The following USP8 variants were observed in gnomAD, a reference collection of about 807,000 sequenced individuals.
The protein encoded by USP8 is ubiquitin specific peptidase 8.
Under a neutral mutation model 130.0 loss-of-function variants are expected in USP8, and 27 were observed. The ratio of observed to expected loss-of-function variants is 0.21; its 90% CI spans 0.15 to 0.29. The LOEUF (loss-of-function observed/expected upper bound fraction) is 0.29. USP8 is among the 10% of genes least tolerant of loss of function. The pLI, the probability that USP8 is intolerant of heterozygous loss-of-function variation, is 1.00. For missense variants in USP8, 1,029 were observed against 1,312.2 expected, an observed-to-expected ratio of 0.78 and a Z score of 3.33; for synonymous variants, 392 against 444.1, an observed-to-expected ratio of 0.88 and a Z score of 1.48.
intron 15 of USP8, 192 bp downstream of exon 15, chr15:50,493,105 C>G (rs569984865): frequency 5.9e-6 from 4 of 679,048 alleles, no homozygotes; most frequent in South Asian, 1.5e-5. Flanking sequence ...ATCTGGTGCG[C>G]TTTTTTGCTG....
At chr15:50,448,559 G>A (rs907000669) in intron 3 of USP8, among the ~76,000 whole-genome samples, 8 of 149,424 alleles carry the variant, frequency 5.4e-5, no homozygotes, top group Admixed American at 1.3e-4. Flanking sequence ...TCGTTCTGTC[G>A]CCCAGGCTGG....
chr15:50,425,601 T>C (rs1174709105), intron 1 of USP8, among the ~76,000 whole-genome samples: 1 of 152,154 alleles, frequency 6.6e-6, no homozygotes, highest in East Asian at 1.9e-4. Context: ...AAATATGTAT[T>C]CCTTTTCTTG....
intron 4 of USP8, among the ~76,000 whole-genome samples, chr15:50,457,882 G>GAA (rs144529322): frequency 3.2e-5 from 4 of 124,046 alleles, no homozygotes; most frequent in South Asian, 2.5e-4. Flanking sequence ...GAAAAGAAAA[G>GAA]AAAAAAAAAA....
At chr15:50,463,517 A>G (rs1339393582) in intron 6 of USP8, 1 of 152,246 alleles carries the variant, frequency 6.6e-6, no homozygotes, top group African/African-American at 2.4e-5. Flanking sequence ...TACTTAAAAT[A>G]TTGCCATACA....
intron 5 of USP8, among the ~76,000 whole-genome samples, chr15:50,461,251 C>G (rs1474783123): frequency 1.3e-5 from 2 of 152,054 alleles, no homozygotes; most frequent in Non-Finnish European, 2.9e-5. Flanking sequence ...TTTGGCCTCC[C>G]ACAGTGCTGG....
rs1364271431 is a variant in USP8 at position 50,458,849 on chromosome 15, C to G, written c.336-151C>G. 1.0e-5 allele frequency: 8 copies of G among 803,754 alleles called. No individual in the cohort carries two copies. In the East Asian group the frequency reaches 2.1e-4, roughly 21 times the overall value. 49.8% of individuals were successfully genotyped at this position (803,754 alleles called of 1,614,324 possible). On this transcript the variant is annotated intron_variant, in intron 4 of 19. Transcript: ENST00000307179. ...TTTGAAGTAAATCTACAGATGGCCT[C>G]AGGTGGCAGATGTGTGAATTGTGGT...
Position 50,435,195 on chromosome 15 carries a change from CAT to C in USP8, c.-65-3813_-65-3812del, listed in dbSNP as rs1268787278. 3.9e-5 allele frequency among the ~76,000 whole-genome samples: 6 copies of C among 152,124 alleles called. No individual in the cohort carries two copies. In the East Asian group the frequency reaches 5.8e-4, roughly 15 times the overall value. On this transcript the variant is annotated intron_variant, in intron 1 of 19. Transcript: ENST00000307179. Reference sequence around the variant, plus strand: ...GCAGAATGACTTATCAAAAATGTAACATGTTAAATTCACATAGATTGAGGTTG... The same window carrying C: ...GCAGAATGACTTATCAAAAATGTAACGTTAAATTCACATAGATTGAGGTTG...
chr15:50,427,349 G>A (rs2141241250), intron 1 of USP8, among the ~76,000 whole-genome samples: 1 of 152,212 alleles, frequency 6.6e-6, no homozygotes, highest in South Asian at 2.1e-4. Context: ...TATAGAAGCA[G>A]ACAAATAGTT....
chr15:50,484,649 G>A (rs1432067643), intron 12 of USP8, among the ~76,000 whole-genome samples: 6 of 152,152 alleles, frequency 3.9e-5, no homozygotes, highest in Non-Finnish European at 8.8e-5. Context: ...CTACTTCAGG[G>A]TATATACCCA....
chr15:50,444,827 G>T (rs541152261), intron 3 of USP8, among the ~76,000 whole-genome samples: 90 of 152,240 alleles, frequency 5.9e-4, no homozygotes, highest in South Asian at 1.2e-3. Flanking sequence ...GCACAGTCAT[G>T]GTTCACTGCA....
At chr15:50,448,551 G>A (rs1595917454) in intron 3 of USP8, among the ~76,000 whole-genome samples, 2 of 146,676 alleles carry the variant, frequency 1.4e-5, no homozygotes, top group South Asian at 2.1e-4. Context: ...ACAGAGTTTC[G>A]TTCTGTCGCC....
rs1249773807 is a variant in USP8 at position 50,511,515 on chromosome 15, A to G, written c.*12427A>G. 6.6e-6 allele frequency: 1 copy of G among 152,252 alleles called. No individual in the cohort carries two copies. Among genetic ancestry groups the G allele is most frequent in the Non-Finnish European group, 1.5e-5 (1 of 68,046 alleles). 9.4% of individuals were successfully genotyped at this position (152,252 alleles called of 1,614,324 possible). On this transcript the variant is annotated 3_prime_UTR_variant, in exon 20 of 20. Coordinates refer to ENST00000307179, the MANE Select transcript of USP8 (RefSeq NM_005154.5). ...ACTGATGACAGCCAAAAGTGGAAAC[A>G]AGCCAAATGTCCATCACTGGATGGA...
At position 50,427,401 on chromosome 15, in the gene USP8, G is replaced by C. The variant is rs1595890742; in HGVS notation, c.-66+2887G>C. 5.3e-5 allele frequency among the ~76,000 whole-genome samples: 8 copies of C among 152,158 alleles called. No homozygotes were observed. The South Asian group carries it at 1.7e-3, about 32-fold the overall frequency. Reference sequence around the variant, plus strand: ...GATGAAAGTAAACTGAAGAGTGGTGGTGGTATTGGGAGTGATTTACGGAAT... The same window carrying C: ...GATGAAAGTAAACTGAAGAGTGGTGCTGGTATTGGGAGTGATTTACGGAAT... On this transcript the variant is annotated intron_variant, in intron 1 of 19. Transcript: ENST00000307179.
At chr15:50,459,361 A>C (rs920175956) in intron 5 of USP8, among the ~76,000 whole-genome samples, 199 bp downstream of exon 5, 2 of 152,218 alleles carry the variant, frequency 1.3e-5, no homozygotes, top group Admixed American at 6.5e-5. Context: ...AGGCGGGCAG[A>C]TCACTTGAGG....
In USP8 at chr15:50,504,072, T is replaced by A. The variant is rs2052625856; in HGVS notation, c.*4984T>A. The A allele has an allele frequency of 6.6e-6, 1 of 152,120 alleles. No homozygotes were observed. Among genetic ancestry groups the A allele is most frequent in the Non-Finnish European group, 1.5e-5 (1 of 68,018 alleles). The allele number at this position is 152,120 out of a possible 1,614,324, so 9.4% of individuals were successfully genotyped here. ...TCTGCATCTTCAGAATCAACTAATG[T>A]GATGGGAAAGATTTGAAAAAATAAT... On this transcript the variant is annotated 3_prime_UTR_variant, in exon 20 of 20. Coordinates refer to ENST00000307179, the MANE Select transcript of USP8 (RefSeq NM_005154.5).
At chr15:50,433,110 G>A (rs775259702) in intron 1 of USP8, among the ~76,000 whole-genome samples, 7 of 152,040 alleles carry the variant, frequency 4.6e-5, no homozygotes, top group East Asian at 1.9e-4. Flanking sequence ...GCATGGTGGC[G>A]GGGCGCCTGT....
rs1167228700 is a variant in USP8 at position 50,503,590 on chromosome 15, T to A, written c.*4502T>A. On this transcript the variant is annotated 3_prime_UTR_variant, in exon 20 of 20. Coordinates refer to ENST00000307179, the MANE Select transcript of USP8 (RefSeq NM_005154.5). ...CCACCCTCTAGTGCTTGTGTTAGCT[T>A]GGACTCATGGTACAGAGAATAAAAG... The A allele has an allele frequency of 6.6e-6, 1 of 152,218 alleles. No homozygotes were observed. The highest frequency in any genetic ancestry group is 1.5e-5 in the Non-Finnish European group (1 of 68,052). The allele number at this position is 152,218 out of a possible 1,614,324, so 9.4% of individuals were successfully genotyped here. A position where few individuals can be genotyped will look rare whatever the true frequency, so the allele number is the denominator to read the frequency against.
At position 50,510,895 on chromosome 15, in the gene USP8, G is replaced by C. The variant is rs1224058544; in HGVS notation, c.*11807G>C. On this transcript the variant is annotated 3_prime_UTR_variant, in exon 20 of 20. Transcript: ENST00000307179. ...GGGTTCACGCCATTCTCCTGCCTCAGCCTCCTGAGTAGCTGGGACTACAGG... is the reference window on the plus strand; with the variant it reads ...GGGTTCACGCCATTCTCCTGCCTCACCCTCCTGAGTAGCTGGGACTACAGG... The C allele has an allele frequency of 2.0e-5, 3 of 152,110 alleles. No homozygotes were observed. Among genetic ancestry groups the C allele is most frequent in the Non-Finnish European group, 4.4e-5 (3 of 68,028 alleles). The allele number at this position is 152,110 out of a possible 1,614,324, so 9.4% of individuals were successfully genotyped here. A position where few individuals can be genotyped will look rare whatever the true frequency, so the allele number is the denominator to read the frequency against.
At chr15:50,485,351 G>A (rs993827600) in intron 12 of USP8, among the ~76,000 whole-genome samples, 22 of 151,430 alleles carry the variant, frequency 1.5e-4, no homozygotes, top group African/African-American at 5.3e-4. Context: ...TCGGGAGGCT[G>A]AGGCAGGAGA....
Sources: allele counts gnomAD v4.1 joint callset (sites outside exome capture counted in the v4.1 genomes callset), GRCh38; gene constraint gnomAD v4.1.1; transcripts MANE v1.5; gene names NCBI Gene and HGNC (gene_info 2026-07-23, HGNC 2026-07-21).